HDAC9: variants seen among roughly 807,000 people sequenced by gnomAD.
HDAC9 encodes histone deacetylase 9, also known as MEF-2 interacting transcription repressor (MITR) protein.
HDAC9 carries 41 observed loss-of-function variants against 139.4 expected under a neutral mutation model. That is an observed-to-expected ratio of 0.29 (90% confidence interval 0.23 to 0.38). The LOEUF is 0.38. HDAC9 is among the 10% of genes least tolerant of loss of function. The probability of loss-of-function intolerance (pLI) is 1.00; values close to 1 mark genes in which losing one functional copy is unlikely to be tolerated. For missense variants in HDAC9, 1,147 were observed against 1,297.0 expected (o/e 0.88, Z 1.78); for synonymous variants, 517 against 476.2 (o/e 1.09, Z -1.12).
chr7:18,321,334 C>T (rs1242998184), intron 1 of HDAC9, among the ~76,000 whole-genome samples: 1 of 152,148 alleles, frequency 6.6e-6, no homozygotes, highest in African/African-American at 2.4e-5. Context: ...CTACCTTATT[C>T]ATCTCCCTAC....
chr7:18,296,205 A>G (rs1039648925), intron 1 of HDAC9, among the ~76,000 whole-genome samples: 2 of 152,202 alleles, frequency 1.3e-5, no homozygotes, highest in African/African-American at 4.8e-5. Flanking sequence ...AATAGAGGAC[A>G]GTGCTCCACC....
chr7:18,466,845 T>C (rs1794321206), intron 1 of HDAC9, among the ~76,000 whole-genome samples: 1 of 152,230 alleles, frequency 6.6e-6, no homozygotes, highest in Non-Finnish European at 1.5e-5. Context: ...TGAATGCTCC[T>C]TCTTACCTTT....
intron 8 of HDAC9, among the ~76,000 whole-genome samples, chr7:18,638,111 C>T (rs897373820): frequency 2.0e-5 from 3 of 151,954 alleles, no homozygotes; most frequent in South Asian, 4.1e-4. Flanking sequence ...ACAAAATTGG[C>T]TTATTTTACT....
At chr7:18,098,233 T>C (rs2128067434) in intron 1 of HDAC9, among the ~76,000 whole-genome samples, 1 of 152,346 alleles carries the variant, frequency 6.6e-6, no homozygotes, top group East Asian at 1.9e-4. Context: ...CTGAGATCTT[T>C]ATGCAATTTG....
intron 2 of HDAC9, among the ~76,000 whole-genome samples, chr7:18,547,821 TTCC>T (rs1319061346): frequency 1.6e-5 from 2 of 121,898 alleles, no homozygotes; most frequent in Non-Finnish European, 3.5e-5. Flanking sequence ...CCTTCCTTCC[TTCC>T]TTCCTTCCTT....
intron 22 of HDAC9, among the ~76,000 whole-genome samples, chr7:18,925,402 A>G (rs1804126757): frequency 6.6e-6 from 1 of 152,166 alleles, no homozygotes; most frequent in Non-Finnish European, 1.5e-5. Flanking sequence ...ATTAGGTCTC[A>G]CTAACATTAG....
At chr7:18,714,554 G>A (rs1304958679) in intron 12 of HDAC9, among the ~76,000 whole-genome samples, 1 of 152,206 alleles carries the variant, frequency 6.6e-6, no homozygotes, top group Non-Finnish European at 1.5e-5. Flanking sequence ...ACCTGCACCT[G>A]CTCTGTGGCA....
intron 24 of HDAC9, among the ~76,000 whole-genome samples, chr7:18,968,980 A>AAAAAAAAAAAAAAAC (rs1490391950): frequency 1.3e-5 from 2 of 150,566 alleles, no homozygotes; most frequent in Admixed American, 6.6e-5. Flanking sequence ...AAAAAAAAAA[A>AAAAAAAAAAAAAAAC]AAGAATCACT....
chr7:18,582,698 C>A lies in HDAC9; in HGVS notation c.23-2583C>A, dbSNP rs1327797259. Among the ~76,000 whole-genome samples the A allele has an allele frequency of 2.6e-5, 4 of 152,120 alleles. No individual in the cohort carries two copies. The East Asian group carries it at 7.7e-4, about 29-fold the overall frequency. The stretch of plus-strand genomic sequence containing the variant: ...TGATTTCAATAACAATACTAGAACT[C>A]TAGTAAATAATACGACATTGAACTG... On this transcript the variant is annotated intron_variant, in intron 2 of 25. Coordinates refer to ENST00000686413, the MANE Select transcript of HDAC9 (RefSeq NM_178425.4).
chr7:18,706,275 TG>T, intron 12 of HDAC9, among the ~76,000 whole-genome samples: 1 of 152,008 alleles, frequency 6.6e-6, no homozygotes, highest in East Asian at 1.9e-4. Flanking sequence ...GCTGATGGCT[TG>T]TTTGCCTCAT....
chr7:18,269,997 A>C (rs1432475802), intron 2 of HDAC9, among the ~76,000 whole-genome samples: 1 of 152,074 alleles, frequency 6.6e-6, no homozygotes, highest in East Asian at 1.9e-4. Context: ...GGGCTGGATA[A>C]TTCTTTGTTG....
At chr7:18,377,392 A>G (rs1318688070) in intron 1 of HDAC9, among the ~76,000 whole-genome samples, 5 of 152,164 alleles carry the variant, frequency 3.3e-5, no homozygotes, top group African/African-American at 4.8e-5. Context: ...TTTAAAAATG[A>G]GCATAAGTTT....
intron 17 of HDAC9, among the ~76,000 whole-genome samples, chr7:18,823,139 C>G (rs904375312): frequency 1.3e-5 from 2 of 152,160 alleles, no homozygotes; most frequent in African/African-American, 4.8e-5. Flanking sequence ...GTGCACATGC[C>G]AATTAACTGT....
chr7:18,697,113 C>A (rs1783109011), intron 12 of HDAC9, among the ~76,000 whole-genome samples: 1 of 152,060 alleles, frequency 6.6e-6, no homozygotes, highest in Admixed American at 6.6e-5. Context: ...CATTCAAAGT[C>A]CCAAATACTT....
intron 1 of HDAC9, among the ~76,000 whole-genome samples, chr7:18,476,019 A>G (rs1586165656): frequency 1.3e-5 from 2 of 152,322 alleles, no homozygotes; most frequent in East Asian, 1.9e-4. Context: ...ATGTGTTTAT[A>G]AGGCAGACCT....
chr7:18,686,298 A>G lies in HDAC9; in HGVS notation c.1731+19822A>G, dbSNP rs548028961. On this transcript the variant is annotated intron_variant, in intron 12 of 25. Coordinates refer to ENST00000686413, the MANE Select transcript of HDAC9 (RefSeq NM_178425.4). ...ACTCCCTCCAATTATTTTCATGGTA[A>G]TGTTCCAGCACTTGTAGAAAGCAAA... 5.9e-5 allele frequency among the ~76,000 whole-genome samples: 9 copies of G among 152,142 alleles called. No individual in the cohort carries two copies. In the East Asian group the frequency reaches 1.6e-3, roughly 26 times the overall value.
chr7:18,550,210 T>G (rs1394301664), intron 2 of HDAC9, among the ~76,000 whole-genome samples: 1 of 152,204 alleles, frequency 6.6e-6, no homozygotes, highest in Non-Finnish European at 1.5e-5. Flanking sequence ...AAGCATGAAG[T>G]AGAGTAACAA....
intron 12 of HDAC9, among the ~76,000 whole-genome samples, chr7:18,691,053 G>A (rs774748724): frequency 5.9e-5 from 9 of 151,828 alleles, no homozygotes; most frequent in Non-Finnish European, 1.2e-4. Context: ...GGAAAATTCT[G>A]AGCAAAATGC....
intron 1 of HDAC9, among the ~76,000 whole-genome samples, chr7:18,311,605 C>T (rs746227486): frequency 2.4e-4 from 37 of 152,150 alleles, no homozygotes; most frequent in Non-Finnish European, 4.0e-4. Context: ...GTGGCAAATC[C>T]GCAGTTCAAA....
Sources: gnomAD v4.1 joint callset for allele counts (sites outside exome capture counted in the v4.1 genomes callset) on GRCh38, gnomAD v4.1.1 for gene constraint, MANE v1.5 for transcripts, NCBI Gene and HGNC (gene_info 2026-07-23, HGNC 2026-07-21) for gene names.